Variants in STK4 observed in about 807,000 individuals in gnomAD.
STK4 encodes the protein serine/threonine-protein kinase 4.
Under a neutral mutation model 64.9 loss-of-function variants are expected in STK4, and 30 were observed. That is an observed-to-expected ratio of 0.46 (90% CI 0.35 to 0.63). The LOEUF (loss-of-function observed/expected upper bound fraction) is 0.63. STK4 is among the 20% of genes least tolerant of loss of function. STK4 has a pLI of 0.01. For missense variants in STK4, 466 were observed against 598.5 expected (o/e 0.78, Z 2.31); for synonymous variants, 177 against 199.0 (o/e 0.89, Z 0.93).
intron 1 of STK4, among the ~76,000 whole-genome samples, chr20:44,968,529 T>C (rs2067192660): frequency 2.0e-5 from 3 of 152,360 alleles, no homozygotes; most frequent in Admixed American, 6.5e-5. Flanking sequence ...TATAGTACCA[T>C]AGTGATCCAA....
rs71197590 is a variant in STK4 at position 45,006,253 on chromosome 20, GTATT to G, written c.1147+4925_1147+4928del. The stretch of plus-strand genomic sequence containing the variant: ...ATTTTTGTTTCATTTTGTTTCGGAT[GTATT>G]TATTTATTTATTTATTTATTTATTC... On this transcript the variant is annotated intron_variant, in intron 9 of 10. Coordinates refer to ENST00000372806, the MANE Select transcript of STK4 (RefSeq NM_006282.5). Among the ~76,000 whole-genome samples, 113 of 146,896 alleles carry G rather than the reference GTATT, an allele frequency of 7.7e-4. 1 individual carries two copies. Among genetic ancestry groups the G allele is most frequent in the East Asian group, 4.7e-3 (24 of 5,138 alleles).
intron 10 of STK4, among the ~76,000 whole-genome samples, chr20:45,064,444 AC>A (rs1979392147): frequency 6.6e-6 from 1 of 152,080 alleles, no homozygotes; most frequent in Admixed American, 6.5e-5. Context: ...GAATTTTTAA[AC>A]TGTTTTTTTC....
Position 44,972,106 on chromosome 20 carries a change from T to C in STK4, c.64T>C (p.Leu22=), listed in dbSNP as rs752954158. 1 of 1,614,044 alleles carries C rather than the reference T, an allele frequency of 6.2e-7. No homozygotes were observed. Among genetic ancestry groups the C allele is most frequent in the South Asian group, 1.1e-5 (1 of 91,050 alleles). The part of the protein sequence containing the change: ...RQLKKLDEDS[L]TKQPEEVFDV... ...GCTGAAAAAGTTGGATGAAGATAGT[T>C]TAACCAAACAACCAGAAGAAGTATT... The change falls in exon 2 of 11, where the codon TTA becomes CTA. Residue 22 remains leucine (L), a synonymous_variant. Transcript: ENST00000372806.
intron 10 of STK4, among the ~76,000 whole-genome samples, chr20:45,056,307 T>C (rs978028324): frequency 6.6e-6 from 1 of 152,164 alleles, no homozygotes; most frequent in African/African-American, 2.4e-5. Context: ...TCCCTAAAGT[T>C]TTGTCTTTTC....
chr20:45,053,325 A>G, intron 10 of STK4: 1 of 639,084 alleles, frequency 1.6e-6, no homozygotes, highest in Non-Finnish European at 2.7e-6. Flanking sequence ...TTTGACCTCA[A>G]GAGGTTGCTT....
intron 9 of STK4, among the ~76,000 whole-genome samples, chr20:45,006,229 TTTTTGTTTCA>T (rs1452324582): frequency 4.6e-5 from 7 of 151,106 alleles, no homozygotes; most frequent in Non-Finnish European, 1.0e-4. Context: ...TTTTATTTTA[TTTTTGTTTCA>T]TTTTGTTTCG....
At chr20:45,071,597 A>G (rs1336223259) in intron 10 of STK4, among the ~76,000 whole-genome samples, 1 of 152,214 alleles carries the variant, frequency 6.6e-6, no homozygotes, top group South Asian at 2.1e-4. Flanking sequence ...CAAGGGCAAC[A>G]AAACTGCCTA....
At chr20:44,977,037 C>G (rs755895822) in intron 2 of STK4, among the ~76,000 whole-genome samples, 3 of 152,176 alleles carry the variant, frequency 2.0e-5, no homozygotes, top group Non-Finnish European at 4.4e-5. Flanking sequence ...AGTTCAGTCA[C>G]TGGCAGAAGG....
intron 9 of STK4, among the ~76,000 whole-genome samples, chr20:45,014,922 A>T (rs1488496717): frequency 6.6e-6 from 1 of 152,204 alleles, no homozygotes; most frequent in Non-Finnish European, 1.5e-5. Flanking sequence ...AGGGAGTGAG[A>T]TGATGATTCC....
chr20:45,001,230 C>T lies in STK4; in HGVS notation c.1024C>T (p.Arg342Ter). The T allele has an allele frequency of 1.9e-6, 3 of 1,614,026 alleles. No individual in the cohort carries two copies. The highest frequency in any genetic ancestry group is 2.5e-6 in the Non-Finnish European group (3 of 1,179,986). Residue 342 changes from arginine to a stop codon, truncating the protein, a stop_gained, in exon 9 of 11, where the codon CGA becomes TGA. Coordinates refer to ENST00000372806, the MANE Select transcript of STK4 (RefSeq NM_006282.5). LOFTEE classifies it high-confidence loss of function. ...RAVGDEMGTV[R>*]VASTMTDGAN... is the part of the protein sequence containing the mutation. ...AGTGGGTGATGAGATGGGCACTGTCCGAGTAGCCAGCACCATGACTGATGG... is the reference window on the plus strand; with the variant it reads ...AGTGGGTGATGAGATGGGCACTGTCTGAGTAGCCAGCACCATGACTGATGG...
At chr20:45,031,552 T>A (rs2068443455) in intron 10 of STK4, among the ~76,000 whole-genome samples, 2 of 151,884 alleles carry the variant, frequency 1.3e-5, no homozygotes, top group South Asian at 4.2e-4. Flanking sequence ...AACAGAGGAA[T>A]GGAAAAAGAT....
At chr20:45,008,457 C>T (rs1354042642) in intron 9 of STK4, among the ~76,000 whole-genome samples, 1 of 152,124 alleles carries the variant, frequency 6.6e-6, no homozygotes, top group Non-Finnish European at 1.5e-5. Context: ...TTGATGGGCA[C>T]CTAGGTTGAT....
rs76367592 is a variant in STK4 at position 45,025,330 on chromosome 20, G to A, written c.1305+200G>A. On this transcript the variant is annotated intron_variant, in intron 10 of 10. Transcript: ENST00000372806. Reference sequence around the variant, plus strand: ...GATTAGTGGCATCTTTTTCGCTTTCGAAGTCCATATTCAGTTTTTATTTTT... The same window carrying A: ...GATTAGTGGCATCTTTTTCGCTTTCAAAGTCCATATTCAGTTTTTATTTTT... Among the ~76,000 whole-genome samples, 464 of 152,292 alleles carry A rather than the reference G, an allele frequency of 3.0e-3. 2 individuals are homozygous for A. Among genetic ancestry groups the A allele is most frequent in the African/African-American group, 0.011 (439 of 41,562 alleles).
intron 9 of STK4, among the ~76,000 whole-genome samples, chr20:45,023,825 A>G (rs180768027): frequency 3.3e-5 from 5 of 151,702 alleles, no homozygotes; most frequent in Admixed American, 3.3e-4. Context: ...ACCACACAGC[A>G]TGCAAGAACT....
chr20:45,019,247 C>T (rs1280630517), intron 9 of STK4, among the ~76,000 whole-genome samples: 1 of 152,156 alleles, frequency 6.6e-6, no homozygotes, highest in Admixed American at 6.6e-5. Context: ...TACTTTCTGT[C>T]TCTATAGATT....
chr20:45,057,331 C>CT (rs1978573054), intron 10 of STK4, among the ~76,000 whole-genome samples: 1 of 152,166 alleles, frequency 6.6e-6, no homozygotes, highest in Non-Finnish European at 1.5e-5. Flanking sequence ...GAAGGGTGCA[C>CT]TTGGATCTTA....
chr20:45,048,546 C>A (rs930384767), intron 10 of STK4, among the ~76,000 whole-genome samples: 1 of 151,832 alleles, frequency 6.6e-6, no homozygotes, highest in African/African-American at 2.4e-5. Flanking sequence ...TGCTCTGTTG[C>A]CCAGGCTGGA....
At chr20:45,073,472 G>A (rs1980254876) in intron 10 of STK4, among the ~76,000 whole-genome samples, 1 of 152,060 alleles carries the variant, frequency 6.6e-6, no homozygotes, top group African/African-American at 2.4e-5. Context: ...ACCCACTCAA[G>A]GAAGGGTAGA....
intron 10 of STK4, chr20:45,053,097 A>G (rs762616134): frequency 6.2e-7 from 1 of 1,612,438 alleles, no homozygotes; most frequent in Non-Finnish European, 8.5e-7. Context: ...AAACTAGCCA[A>G]GAACAGCAGT....
Sources: gnomAD v4.1 joint callset for allele counts (sites outside exome capture counted in the v4.1 genomes callset) on GRCh38, gnomAD v4.1.1 for gene constraint, MANE v1.5 for transcripts, NCBI Gene and HGNC (gene_info 2026-07-23, HGNC 2026-07-21) for gene names.